The following UIMC1 variants were observed in gnomAD, a reference collection of about 807,000 sequenced individuals.
UIMC1 encodes BRCA1-A complex subunit RAP80.
Under a neutral mutation model 84.9 loss-of-function variants are expected in UIMC1, and 42 were observed. The observed-to-expected ratio is 0.49, with a 90% CI of 0.39 to 0.64. The LOEUF is 0.64. Among genes scored for constraint, UIMC1 ranks in the 30% least tolerant of loss-of-function variants. The pLI is 0.00. For synonymous variants in UIMC1, 281 were observed against 293.0 expected (o/e 0.96, Z 0.42); for missense variants, 825 against 847.6 (o/e 0.97, Z 0.33).
intron 2 of UIMC1, among the ~76,000 whole-genome samples, chr5:176,979,552 G>C (rs182876164): frequency 6.6e-6 from 1 of 150,852 alleles, no homozygotes; most frequent in South Asian, 2.1e-4. Context: ...GCAGTGAGCC[G>C]AGATTGCACC....
chr5:176,995,843 C>CAAAA (rs34672103), intron 1 of UIMC1, among the ~76,000 whole-genome samples: 3 of 79,614 alleles, frequency 3.8e-5, no homozygotes, highest in Admixed American at 1.6e-4. Flanking sequence ...AACTCCATCT[C>CAAAA]AAAAAAAAAA....
intron 1 of UIMC1, among the ~76,000 whole-genome samples, chr5:177,016,621 G>A (rs1192684724): frequency 6.6e-6 from 1 of 151,946 alleles, no homozygotes; most frequent in African/African-American, 2.4e-5. Context: ...AACCTGGGAG[G>A]CAGAGGTTGC....
intron 1 of UIMC1, among the ~76,000 whole-genome samples, chr5:177,018,233 C>T (rs1775712863): frequency 6.6e-6 from 1 of 151,850 alleles, no homozygotes; most frequent in African/African-American, 2.4e-5. Flanking sequence ...CACCTGTAGT[C>T]CTAGCTACTT....
At chr5:176,907,372 T>C (rs1445549130) in intron 12 of UIMC1, 195 bp from the exon 13 acceptor site, 1 of 542,184 alleles carries the variant, frequency 1.8e-6, no homozygotes, top group East Asian at 3.0e-5. Flanking sequence ...TACATCGCTA[T>C]GCCCAGAGTA....
At chr5:177,008,626 CT>C (rs1205846895), upstream of UIMC1, among the ~76,000 whole-genome samples, 9 of 152,180 alleles carry the variant, frequency 5.9e-5, no homozygotes, top group African/African-American at 1.9e-4. Context: ...GGCAGCCATT[CT>C]GCAAACCTGA....
intron 10 of UIMC1, among the ~76,000 whole-genome samples, chr5:176,913,416 ACCTT>A (rs1760521355): frequency 6.6e-6 from 1 of 152,228 alleles, no homozygotes; most frequent in South Asian, 2.1e-4. Flanking sequence ...CTTATGTTTT[ACCTT>A]CCTAATTAAC....
intron 6 of UIMC1, among the ~76,000 whole-genome samples, chr5:176,965,743 T>G (rs533576623): frequency 3.9e-4 from 59 of 152,368 alleles, no homozygotes; most frequent in African/African-American, 1.4e-3. Flanking sequence ...AACTTCAATC[T>G]AATTAAGACC....
Position 176,928,963 on chromosome 5 carries a change from T to A in UIMC1, c.1597+14372A>T, listed in dbSNP as rs897139693. ...GAAACTACGTCTTTTAAAAAAAAAATTATTAATTGGCCGGGCGTGGTGGCT... is the reference window on the plus strand; with the variant it reads ...GAAACTACGTCTTTTAAAAAAAAAAATATTAATTGGCCGGGCGTGGTGGCT... On this transcript the variant is annotated intron_variant, in intron 10 of 14. Transcript: ENST00000511320. Among the ~76,000 whole-genome samples the A allele has an allele frequency of 5.4e-5, 8 of 149,502 alleles. No individual in the cohort carries two copies. In the East Asian group the frequency reaches 1.6e-3, roughly 30 times the overall value.
chr5:176,967,095 T>C (rs957709140), intron 6 of UIMC1, among the ~76,000 whole-genome samples: 1 of 152,220 alleles, frequency 6.6e-6, no homozygotes, highest in Non-Finnish European at 1.5e-5. Flanking sequence ...GGAATGTAAA[T>C]GTATATGATC....
intron 8 of UIMC1, among the ~76,000 whole-genome samples, chr5:176,952,225 G>A (rs1384133204): frequency 6.6e-6 from 1 of 152,176 alleles, no homozygotes; most frequent in Non-Finnish European, 1.5e-5. Flanking sequence ...ACCTGCCAAT[G>A]TTAGTGCTGA....
intron 14 of UIMC1, 115 bp downstream of exon 14, chr5:176,905,896 C>A: frequency 8.8e-7 from 1 of 1,133,126 alleles, no homozygotes; most frequent in Non-Finnish European, 1.3e-6. Context: ...CATAATAGTT[C>A]CACAGTGATT....
chr5:177,000,440 T>C (rs1485146403), intron 1 of UIMC1, among the ~76,000 whole-genome samples: 1 of 152,060 alleles, frequency 6.6e-6, no homozygotes, highest in Non-Finnish European at 1.5e-5. Flanking sequence ...GACTTGCATT[T>C]CTCTGATGAC....
intron 14 of UIMC1, 77 bp from the exon 15 acceptor site, chr5:176,905,569 G>A: frequency 7.8e-7 from 1 of 1,289,398 alleles, no homozygotes; most frequent in Non-Finnish European, 1.1e-6. Flanking sequence ...TGTATCAGGG[G>A]ATTTTACATA....
At chr5:176,956,726 T>G (rs1766648292) in intron 7 of UIMC1, among the ~76,000 whole-genome samples, 1 of 151,668 alleles carries the variant, frequency 6.6e-6, no homozygotes, top group African/African-American at 2.4e-5. Context: ...TCACAGGGCT[T>G]TACGATTAGT....
At chr5:176,920,396 T>G (rs892591816) in intron 10 of UIMC1, among the ~76,000 whole-genome samples, 1 of 152,214 alleles carries the variant, frequency 6.6e-6, no homozygotes, top group African/African-American at 2.4e-5. Flanking sequence ...CTTCACAACA[T>G]TAAGTATTCT....
At chr5:176,908,332 T>A (rs866662344) in intron 12 of UIMC1, among the ~76,000 whole-genome samples, 191 bp downstream of exon 12, 4 of 152,222 alleles carry the variant, frequency 2.6e-5, no homozygotes, top group Non-Finnish European at 5.9e-5. Flanking sequence ...ACTTTCCATA[T>A]TCTCTACAAT....
chr5:176,990,523 G>A (rs111910415), intron 1 of UIMC1, among the ~76,000 whole-genome samples: 15 of 152,196 alleles, frequency 9.9e-5, no homozygotes, highest in African/African-American at 3.1e-4. Flanking sequence ...ACACAAATAA[G>A]ATGACATATT....
chr5:176,986,906 A>G (rs1278118718), intron 1 of UIMC1, among the ~76,000 whole-genome samples: 7 of 152,194 alleles, frequency 4.6e-5, no homozygotes, highest in Non-Finnish European at 8.8e-5. Context: ...TTTAAAAAAA[A>G]ACACTAAGAA....
intron 1 of UIMC1, among the ~76,000 whole-genome samples, chr5:177,003,910 C>T (rs1169929661): frequency 6.6e-6 from 1 of 152,156 alleles, no homozygotes; most frequent in Non-Finnish European, 1.5e-5. Flanking sequence ...CTCACTGCAG[C>T]CTCGACTTCC....
Sources: allele counts gnomAD v4.1 joint callset (sites outside exome capture counted in the v4.1 genomes callset), GRCh38; gene constraint gnomAD v4.1.1; transcripts MANE v1.5; gene names NCBI Gene and HGNC (gene_info 2026-07-23, HGNC 2026-07-21).